SCP2: variants seen among roughly 807,000 people sequenced by gnomAD.
SCP2 encodes the protein SCP-2/3-oxoacyl-CoA thiolase.
In SCP2, 48 loss-of-function variants were observed where a neutral mutation model predicts 71.4. The observed-to-expected ratio is 0.67, with a 90% CI of 0.53 to 0.86. The LOEUF (loss-of-function observed/expected upper bound fraction) is 0.86. SCP2 is among the 40% of genes least tolerant of loss of function. The pLI, the probability that SCP2 is intolerant of heterozygous loss-of-function variation, is 0.00. For missense variants in SCP2, 560 were observed against 655.6 expected (o/e 0.85, Z 1.59); for synonymous variants, 220 against 218.1 (o/e 1.01, Z -0.08).
chr1:52,985,200 C>T (rs1358743197), intron 10 of SCP2, among the ~76,000 whole-genome samples: 1 of 152,156 alleles, frequency 6.6e-6, no homozygotes, highest in African/African-American at 2.4e-5. Flanking sequence ...AACCTCTAGA[C>T]TCAAGAATCC....
chr1:52,980,586 T>A, intron 10 of SCP2, 43 bp downstream of exon 10: 1 of 1,562,352 alleles, frequency 6.4e-7, no homozygotes, highest in Non-Finnish European at 8.8e-7. Flanking sequence ...TAAATTTCAC[T>A]GAGAAAACTT....
intron 13 of SCP2, 69 bp from the exon 14 acceptor site, chr1:53,038,848 A>C: frequency 2.5e-6 from 4 of 1,591,394 alleles, no homozygotes; most frequent in Non-Finnish European, 3.4e-6. Flanking sequence ...CTATTTAAAC[A>C]TGAATTTGCT....
intron 11 of SCP2, chr1:52,995,390 A>T: frequency 2.2e-6 from 1 of 461,586 alleles, no homozygotes; most frequent in East Asian, 5.2e-5. Context: ...GGGGACTTGA[A>T]CCACCTTGTC....
intron 6 of SCP2, 33 bp downstream of exon 6, chr1:52,961,662 T>C: frequency 1.3e-6 from 2 of 1,577,276 alleles, no homozygotes; most frequent in Non-Finnish European, 1.7e-6. Flanking sequence ...TGAGGCTTCT[T>C]ACTAGTTATA....
chr1:53,001,302 A>G (rs955406503), intron 11 of SCP2, among the ~76,000 whole-genome samples: 2 of 152,204 alleles, frequency 1.3e-5, no homozygotes, highest in Non-Finnish European at 2.9e-5. Context: ...TGGCAGGGTC[A>G]TGAAGATTTG....
intron 13 of SCP2, among the ~76,000 whole-genome samples, chr1:53,032,313 G>A (rs921858568): frequency 6.6e-6 from 1 of 152,164 alleles, no homozygotes; most frequent in East Asian, 1.9e-4. Context: ...CTGCCTCTCA[G>A]GGAACACAGA....
rs528494862 is a variant in SCP2 at position 52,934,692 on chromosome 1, A to G, written c.70-7104A>G. On this transcript the variant is annotated intron_variant, in intron 1 of 15. Transcript: ENST00000371514. ...CAGTGGTGCGATCTTGGCTCACTGC[A>G]AGCTCCACCTCCTGGGTTCACGCCA... Among the ~76,000 whole-genome samples the G allele has an allele frequency of 2.8e-3, 371 of 131,200 alleles. 1 individual carries two copies. The highest frequency in any genetic ancestry group is 5.0e-3 in the Middle Eastern group (1 of 200). 86.1% of individuals were successfully genotyped at this position (131,200 alleles called of 152,430 possible).
chr1:52,955,214 T>C (rs1192097068), intron 5 of SCP2, among the ~76,000 whole-genome samples: 2 of 152,184 alleles, frequency 1.3e-5, no homozygotes, highest in African/African-American at 4.8e-5. Flanking sequence ...CCTAAAGGTA[T>C]TGAAGAACTA....
chr1:53,014,045 G>C (rs1166318342), intron 11 of SCP2, among the ~76,000 whole-genome samples: 2 of 149,886 alleles, frequency 1.3e-5, no homozygotes, highest in African/African-American at 2.5e-5. Flanking sequence ...AGAGGCGCCT[G>C]CCACCACGCC....
chr1:52,962,333 T>C (rs961333350), intron 6 of SCP2, among the ~76,000 whole-genome samples: 1 of 152,174 alleles, frequency 6.6e-6, no homozygotes, highest in African/African-American at 2.4e-5. Flanking sequence ...TCACCATTTC[T>C]GCTACTTTTG....
At chr1:52,934,409 C>T (rs1653468325) in intron 1 of SCP2, among the ~76,000 whole-genome samples, 1 of 151,708 alleles carries the variant, frequency 6.6e-6, no homozygotes, top group South Asian at 2.1e-4. Context: ...CCGTATAACT[C>T]ATGGAGCCGA....
intron 4 of SCP2, among the ~76,000 whole-genome samples, chr1:52,951,446 A>T (rs1553144114): frequency 6.6e-6 from 1 of 151,118 alleles, no homozygotes; most frequent in Non-Finnish European, 1.5e-5. Flanking sequence ...ATACAAAATT[A>T]AAAAAAATTA....
rs185674042 is a variant in SCP2, at chr1:52,963,885, A to G, written c.523+2256A>G. On this transcript the variant is annotated intron_variant, in intron 6 of 15. Coordinates refer to ENST00000371514, the MANE Select transcript of SCP2 (RefSeq NM_002979.5). Reference sequence around the variant, plus strand: ...ATAGCTATATTTAATTTTAAATAATAAAAAGCTTTTACTGTATATTAACTT... The same window carrying G: ...ATAGCTATATTTAATTTTAAATAATGAAAAGCTTTTACTGTATATTAACTT... 5.4e-4 allele frequency among the ~76,000 whole-genome samples: 82 copies of G among 152,300 alleles called. No individual in the cohort carries two copies. The East Asian group carries it at 0.016, about 29-fold the overall frequency.
chr1:53,009,856 G>C (rs1316235818), intron 11 of SCP2, among the ~76,000 whole-genome samples: 7 of 152,152 alleles, frequency 4.6e-5, no homozygotes, highest in Non-Finnish European at 7.3e-5. Context: ...CAGAATGGGA[G>C]AAAATTTTTG....
intron 6 of SCP2, among the ~76,000 whole-genome samples, chr1:52,970,519 A>G (rs1557572559): frequency 6.6e-6 from 1 of 151,246 alleles, no homozygotes; most frequent in Non-Finnish European, 1.5e-5. Flanking sequence ...ACCAAAAGGG[A>G]CCTTGCCCTT....
intron 13 of SCP2, among the ~76,000 whole-genome samples, chr1:53,029,739 G>A (rs1173647745): frequency 4.6e-5 from 7 of 152,124 alleles, no homozygotes; most frequent in Non-Finnish European, 5.9e-5. Flanking sequence ...ATCTACAACC[G>A]TCCTGAGGGA....
intron 1 of SCP2, among the ~76,000 whole-genome samples, chr1:52,937,254 G>A (rs1476470944): frequency 6.6e-6 from 1 of 152,172 alleles, no homozygotes; most frequent in Admixed American, 6.5e-5. Flanking sequence ...ATATCTGAAA[G>A]AATTGAAAGT....
At position 53,051,678 on chromosome 1, in the gene SCP2, T is replaced by C. The variant is rs1234520805; in HGVS notation, c.*974T>C. On this transcript the variant is annotated 3_prime_UTR_variant, in exon 16 of 16. Coordinates refer to ENST00000371514, the MANE Select transcript of SCP2 (RefSeq NM_002979.5). ...AGATAATGCAGAATAAAGAGAAACGTTGGGGGATTTATAAACTGAATGTTA... is the reference window on the plus strand; with the variant it reads ...AGATAATGCAGAATAAAGAGAAACGCTGGGGGATTTATAAACTGAATGTTA... 1 of 152,152 alleles carries C rather than the reference T, an allele frequency of 6.6e-6. No individual in the cohort carries two copies. The highest frequency in any genetic ancestry group is 2.4e-5 in the African/African-American group (1 of 41,434). The allele number at this position is 152,152 out of a possible 1,614,324, so 9.4% of individuals were successfully genotyped here. A position where few individuals can be genotyped will look rare whatever the true frequency, so the allele number is the denominator to read the frequency against.
chr1:52,932,833 TA>T (rs1255969139), intron 1 of SCP2, among the ~76,000 whole-genome samples: 1 of 152,166 alleles, frequency 6.6e-6, no homozygotes, highest in Non-Finnish European at 1.5e-5. Flanking sequence ...AATATGTAAA[TA>T]AATATAATTC....
Sources: gnomAD v4.1 joint callset for allele counts (sites outside exome capture counted in the v4.1 genomes callset) on GRCh38, gnomAD v4.1.1 for gene constraint, MANE v1.5 for transcripts, NCBI Gene and HGNC (gene_info 2026-07-23, HGNC 2026-07-21) for gene names.